ZNF804B: variants seen among roughly 807,000 people sequenced by gnomAD.
The protein encoded by ZNF804B is zinc finger 804B.
ZNF804B carries 80 observed loss-of-function variants against 101.4 expected under a neutral mutation model. The observed-to-expected ratio is 0.79, with a 90% CI of 0.66 to 0.95. The LOEUF is 0.95. Ranked by LOEUF, ZNF804B falls within the 40% of genes least tolerant of loss-of-function variation. The probability of loss-of-function intolerance (pLI) is 0.00; values close to 1 mark genes in which losing one functional copy is unlikely to be tolerated. For missense variants in ZNF804B, 1,673 were observed against 1,561.9 expected, an observed-to-expected ratio of 1.07 and a Z score of -1.20; for synonymous variants, 622 against 558.8, an observed-to-expected ratio of 1.11 and a Z score of -1.59.
intron 1 of ZNF804B, among the ~76,000 whole-genome samples, chr7:89,192,254 A>C (rs926843574): frequency 1.3e-5 from 2 of 151,874 alleles, no homozygotes; most frequent in Non-Finnish European, 2.9e-5. Flanking sequence ...GCCTTTTTAA[A>C]ATTCCTTCCT....
At position 88,839,684 on chromosome 7, in the gene ZNF804B, CATAT is replaced by C. The variant is rs539524148; in HGVS notation, c.108+79602_108+79605del. Among the ~76,000 whole-genome samples, 226 of 144,350 alleles carry C rather than the reference CATAT, an allele frequency of 1.6e-3. 1 individual carries two copies. Among genetic ancestry groups the C allele is most frequent in the African/African-American group, 6.1e-3 (218 of 35,694 alleles). 94.7% of individuals were successfully genotyped at this position (144,350 alleles called of 152,430 possible). A position where few individuals can be genotyped will look rare whatever the true frequency, so the allele number is the denominator to read the frequency against. On this transcript the variant is annotated intron_variant, in intron 1 of 3. Transcript: ENST00000333190. The stretch of plus-strand genomic sequence containing the variant: ...TGGAGAATAACACAGTCTTTGGAAT[CATAT>C]AAAGTGAAGATTGAATCCTTAACCA...
intron 1 of ZNF804B, among the ~76,000 whole-genome samples, chr7:88,843,731 T>A (rs1291664225): frequency 1.3e-5 from 2 of 152,070 alleles, no homozygotes; most frequent in Admixed American, 6.6e-5. Flanking sequence ...AGCGAGACTC[T>A]GTCTCAAAAG....
At chr7:89,036,590 T>C (rs937047295) in intron 1 of ZNF804B, among the ~76,000 whole-genome samples, 4 of 152,146 alleles carry the variant, frequency 2.6e-5, no homozygotes, top group African/African-American at 9.6e-5. Flanking sequence ...TACAAAACTA[T>C]GTTTCTTTTA....
rs182407862 is a variant in ZNF804B at position 88,983,326 on chromosome 7, A to C, written c.108+223242A>C. Among the ~76,000 whole-genome samples the C allele has an allele frequency of 3.0e-3, 461 of 152,248 alleles. 7 individuals are homozygous for C. Among genetic ancestry groups the C allele is most frequent in the African/African-American group, 0.011 (441 of 41,580 alleles). On this transcript the variant is annotated intron_variant, in intron 1 of 3. Coordinates refer to ENST00000333190, the MANE Select transcript of ZNF804B (RefSeq NM_181646.5). ...TAGTGGTTCCTAAATTTTAGTGGAC[A>C]TCATAATCATCTGGACAGCTTTTTA...
At chr7:88,842,004 A>G (rs979018119) in intron 1 of ZNF804B, among the ~76,000 whole-genome samples, 1 of 152,220 alleles carries the variant, frequency 6.6e-6, no homozygotes, top group Admixed American at 6.5e-5. Flanking sequence ...TGATTGAGAT[A>G]TGTCATAATC....
intron 1 of ZNF804B, among the ~76,000 whole-genome samples, chr7:88,854,410 T>TCTTCCTTC (rs1438172000): frequency 3.8e-4 from 51 of 132,698 alleles, no homozygotes; most frequent in African/African-American, 1.5e-3. Flanking sequence ...TTTCTTTCTT[T>TCTTCCTTC]CTTCCTTTCT....
intron 1 of ZNF804B, among the ~76,000 whole-genome samples, chr7:88,970,448 T>A (rs1793518047): frequency 1.3e-5 from 2 of 151,362 alleles, no homozygotes; most frequent in Admixed American, 1.3e-4. Flanking sequence ...TTCCAAACAT[T>A]TTATAATAAG....
chr7:88,941,253 G>T (rs1793050271), intron 1 of ZNF804B, among the ~76,000 whole-genome samples: 1 of 151,924 alleles, frequency 6.6e-6, no homozygotes, highest in Admixed American at 6.6e-5. Flanking sequence ...CTATCAGTTG[G>T]ACTCCTTGGT....
At chr7:89,069,552 T>C (rs1562875852) in intron 1 of ZNF804B, among the ~76,000 whole-genome samples, 1 of 152,234 alleles carries the variant, frequency 6.6e-6, no homozygotes, top group Non-Finnish European at 1.5e-5. Flanking sequence ...AAAAATTTTG[T>C]ACTTTTCAAA....
intron 1 of ZNF804B, among the ~76,000 whole-genome samples, chr7:88,860,357 C>T (rs1791628092): frequency 1.3e-5 from 2 of 151,862 alleles, no homozygotes; most frequent in Admixed American, 1.3e-4. Flanking sequence ...ATATTTTATC[C>T]TTCCTTTAAA....
intron 1 of ZNF804B, among the ~76,000 whole-genome samples, chr7:88,970,546 TATAAA>T (rs1793519682): frequency 6.6e-6 from 1 of 151,552 alleles, no homozygotes; most frequent in Non-Finnish European, 1.5e-5. Context: ...ATTTTACTGA[TATAAA>T]TTAAATATTT....
At chr7:88,964,335 A>T (rs548758464) in intron 1 of ZNF804B, among the ~76,000 whole-genome samples, 1 of 151,656 alleles carries the variant, frequency 6.6e-6, no homozygotes, top group East Asian at 2.0e-4. Context: ...CATACAATGA[A>T]ATATTTTTGA....
chr7:89,187,167 T>C (rs1208912354), intron 1 of ZNF804B, among the ~76,000 whole-genome samples: 2 of 152,140 alleles, frequency 1.3e-5, no homozygotes, highest in African/African-American at 4.8e-5. Flanking sequence ...GGCTCTACAT[T>C]TGAAAGCAAA....
At chr7:88,818,327 A>C (rs997110598) in intron 1 of ZNF804B, among the ~76,000 whole-genome samples, 5 of 152,298 alleles carry the variant, frequency 3.3e-5, no homozygotes, top group Admixed American at 1.3e-4. Flanking sequence ...TTGCTGATAA[A>C]TTAGGGATTA....
Position 89,333,802 on chromosome 7 carries a change from C to T in ZNF804B, c.820C>T (p.His274Tyr). The T allele has an allele frequency of 6.2e-7, 1 of 1,613,440 alleles. No individual in the cohort carries two copies. ...KCCRFANKDT[H>Y]LTKEKEVNIS... ...CTGCAGGTTTGCAAATAAAGATACA[C>T]ACCTTACCAAGGAAAAAGAGGTAAA... Residue 274 changes from histidine to tyrosine, a missense_variant, in exon 4 of 4, where the codon CAC becomes TAC. Transcript: ENST00000333190.
chr7:88,776,563 T>G (rs199906483), intron 1 of ZNF804B, among the ~76,000 whole-genome samples: 42 of 96,846 alleles, frequency 4.3e-4, no homozygotes, highest in Non-Finnish European at 4.9e-4. Context: ...GTGTTTTGTT[T>G]TTTTTTTTTT....
intron 1 of ZNF804B, among the ~76,000 whole-genome samples, chr7:89,202,128 A>G (rs1788650171): frequency 6.6e-6 from 1 of 152,098 alleles, no homozygotes; most frequent in Non-Finnish European, 1.5e-5. Flanking sequence ...CCAAGCATTC[A>G]TATCATAACT....
intron 2 of ZNF804B, among the ~76,000 whole-genome samples, chr7:89,232,112 G>A (rs964453331): frequency 3.3e-5 from 5 of 152,034 alleles, no homozygotes; most frequent in Non-Finnish European, 7.4e-5. Flanking sequence ...TATTGAGAGG[G>A]TGTTTTATTT....
intron 1 of ZNF804B, among the ~76,000 whole-genome samples, chr7:89,089,208 A>G (rs1012441311): frequency 2.6e-5 from 4 of 151,774 alleles, no homozygotes; most frequent in Non-Finnish European, 5.9e-5. Context: ...GATTAACTCT[A>G]TTTCTCAGCT....
Sources: gnomAD v4.1 joint callset for allele counts (sites outside exome capture counted in the v4.1 genomes callset) on GRCh38, gnomAD v4.1.1 for gene constraint, MANE v1.5 for transcripts, NCBI Gene and HGNC (gene_info 2026-07-23, HGNC 2026-07-21) for gene names.